Variants in TRDN observed in about 807,000 individuals in gnomAD.
TRDN encodes triadin in skeletal muscle.
TRDN carries 161 observed loss-of-function variants against 149.7 expected under a neutral mutation model. The observed-to-expected ratio is 1.08, with a 90% CI of 0.95 to 1.23. TRDN has a LOEUF of 1.23. Among genes scored for constraint, TRDN ranks in the 50% most tolerant of loss-of-function variants. The pLI is 0.00. For missense variants in TRDN, 896 were observed against 823.5 expected, an observed-to-expected ratio of 1.09 and a Z score of -1.08; for synonymous variants, 294 against 250.5, an observed-to-expected ratio of 1.17 and a Z score of -1.64.
intron 24 of TRDN, among the ~76,000 whole-genome samples, chr6:123,292,230 A>G (rs1481005556): frequency 1.3e-5 from 2 of 152,186 alleles, no homozygotes; most frequent in East Asian, 1.9e-4. Context: ...CCCTGGGTCC[A>G]TAATGTCCCT....
At chr6:123,446,375 T>C (rs1358152813) in intron 10 of TRDN, among the ~76,000 whole-genome samples, 1 of 151,516 alleles carries the variant, frequency 6.6e-6, no homozygotes, top group Non-Finnish European at 1.5e-5. Context: ...ACCCTAAAAC[T>C]TAAAGTATAA....
intron 24 of TRDN, among the ~76,000 whole-genome samples, chr6:123,283,221 G>A (rs1777645224): frequency 2.0e-5 from 3 of 151,722 alleles, no homozygotes; most frequent in Admixed American, 2.0e-4. Context: ...ACGATCATTG[G>A]GTCAACAATG....
intron 12 of TRDN, among the ~76,000 whole-genome samples, chr6:123,395,604 T>C (rs1772691499): frequency 6.6e-6 from 1 of 152,132 alleles, no homozygotes; most frequent in African/African-American, 2.4e-5. Flanking sequence ...CTGCCCCTCA[T>C]TGTCCCGCGT....
chr6:123,557,714 G>T (rs1221331124), intron 2 of TRDN, among the ~76,000 whole-genome samples: 1 of 151,964 alleles, frequency 6.6e-6, no homozygotes, highest in Non-Finnish European at 1.5e-5. Flanking sequence ...TTCACCCTTA[G>T]CAGCAAGCAC....
chr6:123,539,034 A>T (rs1023473325), intron 4 of TRDN, among the ~76,000 whole-genome samples: 1 of 152,194 alleles, frequency 6.6e-6, no homozygotes, highest in Non-Finnish European at 1.5e-5. Context: ...GATGTGCTAG[A>T]TAAGACTGAT....
At chr6:123,220,107 C>A (rs1775095351) in intron 40 of TRDN, among the ~76,000 whole-genome samples, 2 of 151,786 alleles carry the variant, frequency 1.3e-5, no homozygotes, top group South Asian at 2.1e-4. Context: ...TGCAATAGAT[C>A]CCCCAACTGA....
At chr6:123,518,976 G>A (rs1359255891) in intron 5 of TRDN, among the ~76,000 whole-genome samples, 3 of 152,108 alleles carry the variant, frequency 2.0e-5, no homozygotes, top group African/African-American at 7.2e-5. Context: ...CACCTATAGA[G>A]CAGCTGCATT....
intron 12 of TRDN, among the ~76,000 whole-genome samples, chr6:123,406,861 C>T (rs1243806065): frequency 6.6e-6 from 1 of 152,066 alleles, no homozygotes; most frequent in African/African-American, 2.4e-5. Context: ...CAAAAATTGT[C>T]GTCTTTATCT....
chr6:123,559,061 TCTGA>T (rs1012171151), intron 2 of TRDN, among the ~76,000 whole-genome samples: 32 of 152,354 alleles, frequency 2.1e-4, no homozygotes, highest in Non-Finnish European at 3.7e-4. Flanking sequence ...CCCAAGGCTC[TCTGA>T]CTGACTCCTT....
intron 9 of TRDN, among the ~76,000 whole-genome samples, chr6:123,474,666 T>C (rs1472282273): frequency 6.6e-6 from 1 of 151,968 alleles, no homozygotes; most frequent in African/African-American, 2.4e-5. Context: ...ATTGACCACA[T>C]ACTTGGAAGT....
Position 123,266,155 on chromosome 6 carries a change from A to T in TRDN, c.1784-817T>A, listed in dbSNP as rs1343734906. ...TTATAATATGTATTATATATTATAT[A>T]TATTATAATATGTATTATATATTAT... On this transcript the variant is annotated intron_variant, in intron 32 of 40. Coordinates refer to ENST00000334268, the MANE Select transcript of TRDN (RefSeq NM_006073.4). Among the ~76,000 whole-genome samples, 29 of 104,086 alleles carry T rather than the reference A, an allele frequency of 2.8e-4. 1 individual carries two copies. The highest frequency in any genetic ancestry group is 1.1e-3 in the African/African-American group (29 of 26,790). The allele number at this position is 104,086 out of a possible 152,430, so 68.3% of individuals were successfully genotyped here. A position where few individuals can be genotyped will look rare whatever the true frequency, so the allele number is the denominator to read the frequency against.
At chr6:123,494,048 A>G (rs1184444988) in intron 9 of TRDN, among the ~76,000 whole-genome samples, 1 of 152,194 alleles carries the variant, frequency 6.6e-6, no homozygotes, top group East Asian at 1.9e-4. Flanking sequence ...TGGACAAGAA[A>G]TACTCGCTTT....
At chr6:123,447,725 T>C (rs1775474660) in intron 10 of TRDN, among the ~76,000 whole-genome samples, 1 of 151,786 alleles carries the variant, frequency 6.6e-6, no homozygotes, top group Non-Finnish European at 1.5e-5. Flanking sequence ...TGACCCAAGA[T>C]TGTGGCCACT....
At chr6:123,516,991 A>G (rs1024657363) in intron 5 of TRDN, among the ~76,000 whole-genome samples, 1 of 152,140 alleles carries the variant, frequency 6.6e-6, no homozygotes, top group African/African-American at 2.4e-5. Flanking sequence ...TTATACAAGA[A>G]TATAGAAAGA....
chr6:123,446,584 CAAAAA>C (rs572029827), intron 10 of TRDN, among the ~76,000 whole-genome samples: 8 of 61,092 alleles, frequency 1.3e-4, no homozygotes, highest in Admixed American at 2.3e-4. Flanking sequence ...GATTCCATCT[CAAAAA>C]AAAAAAAAAA....
In TRDN at chr6:123,503,864, T is replaced by C. The variant is rs1187868034; in HGVS notation, c.648A>G (p.Glu216=). 4 of 1,583,162 alleles carry C rather than the reference T, an allele frequency of 2.5e-6. No individual in the cohort carries two copies. The highest frequency in any genetic ancestry group is 3.4e-6 in the Non-Finnish European group (4 of 1,162,916). ...CACCTTTCACTTCCTTTTTAGTCTT[T>C]TCTTCACTCTTTTCTGCAGTCTTAG... is the stretch of plus-strand genomic sequence containing the variant. ...KKAKTAEKSE[E]KTKKEVKGGK... is the part of the protein sequence containing the mutation. The change falls in exon 8 of 41, where the codon GAA becomes GAG. Residue 216 remains glutamate, a synonymous_variant. Coordinates refer to ENST00000334268, the MANE Select transcript of TRDN (RefSeq NM_006073.4).
At chr6:123,472,175 T>A (rs1448135216) in intron 9 of TRDN, among the ~76,000 whole-genome samples, 7 of 152,154 alleles carry the variant, frequency 4.6e-5, no homozygotes. Flanking sequence ...GGTACCGGGT[T>A]CATCTCACTA....
intron 21 of TRDN, among the ~76,000 whole-genome samples, chr6:123,340,871 CACA>C (rs1372247337): frequency 2.0e-5 from 3 of 151,936 alleles, no homozygotes; most frequent in African/African-American, 4.8e-5. Context: ...AAAATTGTCT[CACA>C]ACATCTTGTG....
At chr6:123,448,774 T>C (rs936139697) in intron 10 of TRDN, among the ~76,000 whole-genome samples, 5 of 151,946 alleles carry the variant, frequency 3.3e-5, no homozygotes, top group African/African-American at 9.7e-5. Context: ...AGCACAATAA[T>C]AGAGCATTAA....
Sources: allele counts gnomAD v4.1 joint callset (sites outside exome capture counted in the v4.1 genomes callset), GRCh38; gene constraint gnomAD v4.1.1; transcripts MANE v1.5; gene names NCBI Gene and HGNC (gene_info 2026-07-23, HGNC 2026-07-21).